Variants in SAMD5 observed in about 807,000 individuals in gnomAD.
SAMD5 encodes sterile alpha motif domain containing 5.
A neutral mutation model predicts 11.3 loss-of-function variants in SAMD5; 13 were observed. That is an observed-to-expected ratio of 1.15 (90% CI 0.75 to 1.83). The LOEUF is 1.83. SAMD5 is among the 40% of genes most tolerant of loss of function. The probability of loss-of-function intolerance (pLI) is 0.00; values close to 1 mark genes in which losing one functional copy is unlikely to be tolerated. For missense variants in SAMD5, 255 were observed against 239.1 expected, an observed-to-expected ratio of 1.07 and a Z score of -0.44; for synonymous variants, 129 against 111.3, an observed-to-expected ratio of 1.16 and a Z score of -1.00.
chr6:147,629,119 C>CTACTAAAAATACAGTTTA (rs1790101670), intron 1 of SAMD5, among the ~76,000 whole-genome samples: 1 of 151,872 alleles, frequency 6.6e-6, no homozygotes, highest in African/African-American at 2.4e-5. Context: ...GATGAAACCC[C>CTACTAAAAATACAGTTTA]GTCTCTACTA....
chr6:147,613,974 G>C (rs1789827974), intron 1 of SAMD5, among the ~76,000 whole-genome samples: 1 of 151,896 alleles, frequency 6.6e-6, no homozygotes, highest in South Asian at 2.1e-4. Context: ...TGCCCCCCAG[G>C]GAGTACCAAC....
chr6:147,533,997 G>A (rs1315076825), intron 1 of SAMD5, among the ~76,000 whole-genome samples: 1 of 152,244 alleles, frequency 6.6e-6, no homozygotes, highest in Admixed American at 6.5e-5. Flanking sequence ...AAGCCAAGTC[G>A]ACACTTAAAA....
chr6:147,530,491 C>T (rs947096020), intron 1 of SAMD5, among the ~76,000 whole-genome samples: 1 of 152,210 alleles, frequency 6.6e-6, no homozygotes, highest in Non-Finnish European at 1.5e-5. Flanking sequence ...CCGGCATTGC[C>T]CTCTGGGGCC....
At chr6:147,870,660 C>T in the SAMD5 span, among the ~76,000 whole-genome samples, 335 of 150,660 alleles carry the variant, frequency 2.2e-3, 2 homozygotes, top group Non-Finnish European at 3.4e-3. Flanking sequence ...AAAATTCAAT[C>T]GGCAATTCAG....
chr6:147,733,288 G>A (rs1378869385), intron 1 of SAMD5, among the ~76,000 whole-genome samples: 2 of 152,176 alleles, frequency 1.3e-5, no homozygotes, highest in Non-Finnish European at 2.9e-5. Context: ...CCAATGTAAT[G>A]TTTGTTTAGT....
chr6:147,776,012 G>A, the SAMD5 span, among the ~76,000 whole-genome samples: 579 of 152,328 alleles, frequency 3.8e-3, 6 homozygotes, highest in African/African-American at 0.013. Context: ...CAGAATAGGT[G>A]CTGGAAACCG....
At chr6:147,896,636 A>G in the SAMD5 span, among the ~76,000 whole-genome samples, 1 of 151,134 alleles carries the variant, frequency 6.6e-6, no homozygotes. Context: ...TAACAATATT[A>G]TTTAAACTAA....
At chr6:147,658,979 A>G (rs6929422) in intron 1 of SAMD5, among the ~76,000 whole-genome samples, 3,303 of 152,276 alleles carry the variant, frequency 0.022, 106 homozygotes, top group African/African-American at 0.076. Context: ...TGAACTACTA[A>G]AGCAGATTGA....
the SAMD5 span, among the ~76,000 whole-genome samples, chr6:147,816,301 A>AAAAAAAAAAAATATATAT: frequency 7.5e-5 from 5 of 66,362 alleles, no homozygotes; most frequent in Non-Finnish European, 1.2e-4. Flanking sequence ...AAAAAAAAAA[A>AAAAAAAAAAAATATATAT]ATATATATAT....
the SAMD5 span, among the ~76,000 whole-genome samples, chr6:147,749,454 C>T: frequency 2.0e-5 from 3 of 152,184 alleles, no homozygotes; most frequent in East Asian, 1.9e-4. Context: ...AGGTGTGAGC[C>T]GCTGTGCCCA....
rs867671819 is a variant in SAMD5 at position 147,522,645 on chromosome 6, A to C, written c.459+13258A>C. 2.0e-5 allele frequency among the ~76,000 whole-genome samples: 3 copies of C among 152,192 alleles called. No individual in the cohort carries two copies. In the South Asian group the frequency reaches 6.2e-4, roughly 32 times the overall value. On this transcript the variant is annotated intron_variant, in intron 1 of 1. Transcript: ENST00000367474. ...CCAAGACCATTATACATTCTTTTAC[A>C]CTATATATCTTTTCTTTCATGAAAA...
the SAMD5 span, among the ~76,000 whole-genome samples, chr6:147,815,609 T>G: frequency 6.6e-6 from 1 of 152,182 alleles, no homozygotes; most frequent in African/African-American, 2.4e-5. Context: ...CTGTAATGCT[T>G]TCTTTCTTTG....
At chr6:147,860,930 T>C in the SAMD5 span, among the ~76,000 whole-genome samples, 1 of 152,188 alleles carries the variant, frequency 6.6e-6, no homozygotes, top group East Asian at 1.9e-4. Flanking sequence ...AATGAAGAGA[T>C]AACAGGAATA....
the SAMD5 span, among the ~76,000 whole-genome samples, chr6:147,813,211 C>T: frequency 6.6e-6 from 1 of 152,238 alleles, no homozygotes; most frequent in African/African-American, 2.4e-5. Context: ...AGAGTAGGTG[C>T]ATTGGAGATG....
intron 1 of SAMD5, among the ~76,000 whole-genome samples, chr6:147,646,603 G>A (rs1235598998): frequency 2.6e-5 from 4 of 152,108 alleles, no homozygotes; most frequent in African/African-American, 9.7e-5. Context: ...ACTTCAGGTG[G>A]CACTTGTAGT....
chr6:147,816,366 T>TTATATA, the SAMD5 span, among the ~76,000 whole-genome samples: 1,446 of 139,052 alleles, frequency 0.01, 38 homozygotes, highest in African/African-American at 0.037. Context: ...TATATGCAGT[T>TTATATA]TATATATATA....
At chr6:147,751,597 AG>A in the SAMD5 span, among the ~76,000 whole-genome samples, 1 of 152,206 alleles carries the variant, frequency 6.6e-6, no homozygotes, top group African/African-American at 2.4e-5. Context: ...GTAGTTCTCT[AG>A]GGGTTTGCAG....
the SAMD5 span, among the ~76,000 whole-genome samples, chr6:147,760,092 A>G: frequency 6.6e-6 from 1 of 152,162 alleles, no homozygotes; most frequent in East Asian, 1.9e-4. Context: ...GGAATTATAA[A>G]AAGGATCTAG....
At chr6:147,517,124 C>T (rs577323558) in intron 1 of SAMD5, among the ~76,000 whole-genome samples, 31 of 152,250 alleles carry the variant, frequency 2.0e-4, no homozygotes, top group African/African-American at 7.5e-4. Flanking sequence ...GTAATTACTT[C>T]ATTTCAATCA....
Sources: gnomAD v4.1 joint callset for allele counts (sites outside exome capture counted in the v4.1 genomes callset) on GRCh38, gnomAD v4.1.1 for gene constraint, MANE v1.5 for transcripts, NCBI Gene and HGNC (gene_info 2026-07-23, HGNC 2026-07-21) for gene names.